SLC30A8: variants seen among roughly 807,000 people sequenced by gnomAD.
SLC30A8 encodes the protein solute carrier family 30 member 8.
A neutral mutation model predicts 36.9 loss-of-function variants in SLC30A8; 27 were observed. The ratio of observed to expected loss-of-function variants is 0.73; its 90% CI spans 0.54 to 1.01. The LOEUF (loss-of-function observed/expected upper bound fraction) is 1.01, where lower values mean the gene tolerates loss of function less well. Among genes scored for constraint, SLC30A8 ranks in the 50% least tolerant of loss-of-function variants. The pLI is 0.00. For missense variants in SLC30A8, 439 were observed against 452.0 expected (o/e 0.97, Z 0.26); for synonymous variants, 164 against 172.4 (o/e 0.95, Z 0.38).
chr8:117,066,566 A>G (rs770710085), intron 2 of SLC30A8, among the ~76,000 whole-genome samples: 41 of 152,102 alleles, frequency 2.7e-4, no homozygotes, highest in Non-Finnish European at 2.5e-4. Context: ...GTTTACTCCT[A>G]CTGGCTTTGG....
At chr8:117,023,296 T>G (rs1311721016) in intron 1 of SLC30A8, among the ~76,000 whole-genome samples, 2 of 152,154 alleles carry the variant, frequency 1.3e-5, no homozygotes, top group African/African-American at 4.8e-5. Flanking sequence ...GTTCAACCAT[T>G]GTGGAAGTCA....
intron 1 of SLC30A8, among the ~76,000 whole-genome samples, chr8:117,032,675 A>C (rs1424776104): frequency 6.6e-6 from 1 of 152,196 alleles, no homozygotes; most frequent in Non-Finnish European, 1.5e-5. Flanking sequence ...AGATAACCTG[A>C]GGTCAGGAGT....
intron 2 of SLC30A8, among the ~76,000 whole-genome samples, chr8:117,111,430 T>C (rs996141754): frequency 2.6e-5 from 4 of 152,146 alleles, no homozygotes; most frequent in Non-Finnish European, 4.4e-5. Flanking sequence ...CTTTTAGTAA[T>C]AGCACCCTAC....
chr8:117,040,607 C>T (rs1817355421), intron 2 of SLC30A8, among the ~76,000 whole-genome samples: 1 of 152,184 alleles, frequency 6.6e-6, no homozygotes, highest in Non-Finnish European at 1.5e-5. Flanking sequence ...TTAATTAATA[C>T]CTATTTTGCC....
intron 1 of SLC30A8, among the ~76,000 whole-genome samples, chr8:117,033,499 GTTT>G (rs1268728347): frequency 6.6e-6 from 1 of 152,220 alleles, no homozygotes; most frequent in Non-Finnish European, 1.5e-5. Context: ...TGATTAATGT[GTTT>G]GTGGTTTCCT....
chr8:117,020,765 G>A (rs568038478), intron 1 of SLC30A8, among the ~76,000 whole-genome samples: 5 of 152,120 alleles, frequency 3.3e-5, no homozygotes, highest in Non-Finnish European at 5.9e-5. Context: ...GCAAGACACT[G>A]ATAAGAAGAT....
intron 1 of SLC30A8, among the ~76,000 whole-genome samples, chr8:117,024,932 C>T (rs1225173788): frequency 6.6e-6 from 1 of 152,072 alleles, no homozygotes; most frequent in Admixed American, 6.6e-5. Context: ...GCCCAGTATC[C>T]ATTAGCTATT....
upstream of SLC30A8, among the ~76,000 whole-genome samples, chr8:117,133,546 T>C (rs1454743927): frequency 3.9e-5 from 6 of 152,144 alleles, no homozygotes; most frequent in African/African-American, 9.6e-5. Flanking sequence ...TTTGAAAATA[T>C]TGCTTATCTC....
Position 116,988,140 on chromosome 8 carries a change from G to C in SLC30A8, c.-266+37021G>C, listed in dbSNP as rs1400918178. 2.6e-5 allele frequency among the ~76,000 whole-genome samples: 4 copies of C among 152,150 alleles called. 1 individual carries two copies. On this transcript the variant is annotated intron_variant, in intron 1 of 10. Coordinates refer to the SLC30A8 transcript ENST00000427715. ...TTAGACTTATAAGAGTGATGTATGTGCTCATTCTTCTTCTGATAAACTCAC... is the reference window on the plus strand; with the variant it reads ...TTAGACTTATAAGAGTGATGTATGTCCTCATTCTTCTTCTGATAAACTCAC...
chr8:116,976,977 C>T (rs939785208), intron 1 of SLC30A8, among the ~76,000 whole-genome samples: 1 of 150,116 alleles, frequency 6.7e-6, no homozygotes, highest in African/African-American at 2.5e-5. Context: ...TGTCACCACA[C>T]CTGGCTAATT....
At chr8:117,084,933 G>T (rs1242244138) in intron 2 of SLC30A8, among the ~76,000 whole-genome samples, 1 of 152,012 alleles carries the variant, frequency 6.6e-6, no homozygotes, top group Non-Finnish European at 1.5e-5. Context: ...CATTATAAAG[G>T]TTTGTATTTG....
chr8:117,019,646 C>T (rs561011599), intron 1 of SLC30A8, among the ~76,000 whole-genome samples: 171 of 152,260 alleles, frequency 1.1e-3, no homozygotes, highest in Non-Finnish European at 2.0e-3. Context: ...CAGTAGTAAT[C>T]CCAGCACCTA....
At chr8:117,033,167 G>A (rs747880437) in intron 1 of SLC30A8, among the ~76,000 whole-genome samples, 2 of 152,202 alleles carry the variant, frequency 1.3e-5, no homozygotes, top group Non-Finnish European at 2.9e-5. Flanking sequence ...AGTATCAAAA[G>A]CAGGTATTCA....
In SLC30A8 at chr8:117,013,149, T is replaced by G. The variant is rs113204683; in HGVS notation, c.-265-26070T>G. Among the ~76,000 whole-genome samples the G allele has an allele frequency of 6.0e-3, 916 of 152,314 alleles. 9 individuals are homozygous for G. Among genetic ancestry groups the G allele is most frequent in the African/African-American group, 0.021 (860 of 41,562 alleles). On this transcript the variant is annotated intron_variant, in intron 1 of 10. Transcript: ENST00000427715. ...TGTTAGCAAAATGGATTTGTATTCCTTCAGCTCAAGGGTAGAAATGTCAAG... is the reference window on the plus strand; with the variant it reads ...TGTTAGCAAAATGGATTTGTATTCCGTCAGCTCAAGGGTAGAAATGTCAAG...
intron 2 of SLC30A8, among the ~76,000 whole-genome samples, chr8:117,094,571 A>G (rs1212582897): frequency 6.6e-6 from 1 of 152,100 alleles, no homozygotes; most frequent in Non-Finnish European, 1.5e-5. Flanking sequence ...TGGAGCTTTT[A>G]TGGGCCTCAG....
intron 2 of SLC30A8, among the ~76,000 whole-genome samples, chr8:117,081,463 T>G (rs1818676115): frequency 6.6e-6 from 1 of 152,330 alleles, no homozygotes; most frequent in African/African-American, 2.4e-5. Context: ...TTAGTCAGAT[T>G]GGATTAGGGC....
At chr8:117,030,299 A>G (rs1817001124) in intron 1 of SLC30A8, among the ~76,000 whole-genome samples, 1 of 151,606 alleles carries the variant, frequency 6.6e-6, no homozygotes, top group African/African-American at 2.4e-5. Context: ...TTTACTAGGA[A>G]AAGATGCTCT....
At chr8:117,137,532 T>C (rs753684897) in intron 1 of SLC30A8, among the ~76,000 whole-genome samples, 1 of 151,970 alleles carries the variant, frequency 6.6e-6, no homozygotes, top group African/African-American at 2.4e-5. Flanking sequence ...CAGCATTCCA[T>C]GTGAATTAGT....
rs1362734608 is a variant in SLC30A8, at chr8:117,175,498, C to CTGAG, written c.*2819_*2822dup. The CTGAG allele has an allele frequency of 6.6e-6, 1 of 152,064 alleles. No individual in the cohort carries two copies. The highest frequency in any genetic ancestry group is 2.4e-5 in the African/African-American group (1 of 41,438). The allele number at this position is 152,064 out of a possible 1,614,324, so 9.4% of individuals were successfully genotyped here. A position where few individuals can be genotyped will look rare whatever the true frequency, so the allele number is the denominator to read the frequency against. On this transcript the variant is annotated 3_prime_UTR_variant, in exon 8 of 8. Coordinates refer to ENST00000456015, the MANE Select transcript of SLC30A8 (RefSeq NM_173851.3). ...AGCATCAGTTCTGAAGCTAGATTGT[C>CTGAG]TGAGTTTGAATCTTAGCTCTTCCCT...
Sources: allele counts gnomAD v4.1 joint callset (sites outside exome capture counted in the v4.1 genomes callset), GRCh38; gene constraint gnomAD v4.1.1; transcripts MANE v1.5; gene names NCBI Gene and HGNC (gene_info 2026-07-23, HGNC 2026-07-21).